Variants in HTR3B observed in about 807,000 individuals in gnomAD.
The protein encoded by HTR3B is 5-hydroxytryptamine receptor 3B.
A neutral mutation model predicts 42.8 loss-of-function variants in HTR3B; 44 were observed. The observed-to-expected ratio is 1.03, with a 90% confidence interval of 0.81 to 1.32. The LOEUF (loss-of-function observed/expected upper bound fraction) is 1.32. Among genes scored for constraint, HTR3B ranks in the 40% most tolerant of loss-of-function variants. The pLI, the probability that HTR3B is intolerant of heterozygous loss-of-function variation, is 0.00. For missense variants in HTR3B, 527 were observed against 536.5 expected (o/e 0.98, Z 0.17); for synonymous variants, 203 against 209.0 (o/e 0.97, Z 0.25).
chr11:113,932,652 A>AAC (rs2307599), intron 5 of HTR3B, among the ~76,000 whole-genome samples, 194 bp downstream of exon 5: 108,273 of 151,944 alleles, frequency 0.71, 39,498 homozygotes, highest in African/African-American at 0.87. Flanking sequence ...TTGTTTTGGA[A>AAC]ACAGTGTTAG....
At chr11:113,908,009 G>T (rs919859361) in intron 1 of HTR3B, among the ~76,000 whole-genome samples, 5 of 152,192 alleles carry the variant, frequency 3.3e-5, no homozygotes, top group African/African-American at 1.2e-4. Flanking sequence ...GATGCCTGAT[G>T]CAAGCCACAC....
chr11:113,922,799 C>T (rs1949929936), intron 2 of HTR3B, among the ~76,000 whole-genome samples: 1 of 152,286 alleles, frequency 6.6e-6, no homozygotes, highest in East Asian at 1.9e-4. Context: ...TCGTGATCCG[C>T]CTGCCTTGGC....
chr11:113,917,497 C>G (rs1294669472), intron 2 of HTR3B, among the ~76,000 whole-genome samples: 2 of 152,056 alleles, frequency 1.3e-5, no homozygotes, highest in African/African-American at 4.8e-5. Context: ...GTTAAAATCT[C>G]CAGTTATGAT....
At chr11:113,926,400 A>G (rs1003863268) in intron 2 of HTR3B, among the ~76,000 whole-genome samples, 3 of 151,952 alleles carry the variant, frequency 2.0e-5, no homozygotes, top group Non-Finnish European at 4.4e-5. Flanking sequence ...GAATTGTTGC[A>G]TTATATGATA....
At chr11:113,926,000 T>C (rs1399371623) in intron 2 of HTR3B, among the ~76,000 whole-genome samples, 1 of 152,156 alleles carries the variant, frequency 6.6e-6, no homozygotes, top group Non-Finnish European at 1.5e-5. Flanking sequence ...AAAGAAGCCC[T>C]ATATCCATTA....
At chr11:113,916,298 C>G (rs190491848) in intron 2 of HTR3B, among the ~76,000 whole-genome samples, 1 of 152,090 alleles carries the variant, frequency 6.6e-6, no homozygotes, top group Non-Finnish European at 1.5e-5. Context: ...CTGCTCAAAT[C>G]TTTTATTTAA....
intron 2 of HTR3B, among the ~76,000 whole-genome samples, chr11:113,910,295 C>T (rs903922088): frequency 3.3e-5 from 5 of 152,252 alleles, no homozygotes; most frequent in South Asian, 2.1e-4. Context: ...GGGAATGAAA[C>T]GAACACTGTG....
intron 8 of HTR3B, 26 bp downstream of exon 8, chr11:113,944,781 C>T: frequency 6.2e-7 from 1 of 1,606,044 alleles, no homozygotes; most frequent in Non-Finnish European, 8.5e-7. Context: ...TGTGTTTCTC[C>T]CCCGTCTGGA....
At chr11:113,904,742 A>AAACATTTGC, upstream of HTR3B, 1 of 533,486 alleles carries the variant, frequency 1.9e-6, no homozygotes, top group Non-Finnish European at 3.4e-6. Context: ...ATCAATTCCA[A>AAACATTTGC]AACATTTGCA....
chr11:113,921,003 G>A (rs1949906416), intron 2 of HTR3B, among the ~76,000 whole-genome samples: 2 of 150,776 alleles, frequency 1.3e-5, no homozygotes, highest in Non-Finnish European at 3.0e-5. Context: ...AGTAGAGATG[G>A]GGTTTCACCA....
At chr11:113,907,909 C>G (rs1006767253) in intron 1 of HTR3B, among the ~76,000 whole-genome samples, 1 of 152,138 alleles carries the variant, frequency 6.6e-6, no homozygotes, top group African/African-American at 2.4e-5. Context: ...TGACTTCCCT[C>G]CCCTGGGGTA....
At chr11:113,935,675 C>A (rs768996738) in intron 6 of HTR3B, among the ~76,000 whole-genome samples, 5 of 152,202 alleles carry the variant, frequency 3.3e-5, no homozygotes, top group Non-Finnish European at 7.3e-5. Flanking sequence ...TTTCCTTCAA[C>A]AGCCCTTGGC....
At chr11:113,900,826 G>T (rs1320459072), upstream of HTR3B, among the ~76,000 whole-genome samples, 3 of 152,112 alleles carry the variant, frequency 2.0e-5, no homozygotes, top group Non-Finnish European at 4.4e-5. Context: ...AATCATGGTG[G>T]AAGGGGAAGG....
chr11:113,927,013 G>A (rs142278151), intron 2 of HTR3B, among the ~76,000 whole-genome samples: 234 of 152,276 alleles, frequency 1.5e-3, no homozygotes, highest in Non-Finnish European at 2.7e-3. Context: ...ACTAATGATG[G>A]TGAGCGTCTT....
chr11:113,909,140 C>T, intron 1 of HTR3B, 155 bp from the exon 2 acceptor site: 1 of 649,274 alleles, frequency 1.5e-6, no homozygotes, highest in South Asian at 1.8e-5. Context: ...AAGCATTTGC[C>T]AAAGGCCCCA....
chr11:113,947,543 T>C lies in HTR3B; in HGVS notation c.*1406T>C, dbSNP rs1950189370. 1.3e-5 allele frequency among the ~76,000 whole-genome samples: 2 copies of C among 152,204 alleles called. No homozygotes were observed. Among genetic ancestry groups the C allele is most frequent in the Non-Finnish European group, 2.9e-5 (2 of 68,034 alleles). On this transcript the variant is annotated 3_prime_UTR_variant, in exon 9 of 9. Transcript: ENST00000260191. Reference sequence around the variant, plus strand: ...GGGTGGGTGGCTTTCTTCTGAGCCCTGTCCTTGGCTTGCAGGTTGCTGACT... The same window carrying C: ...GGGTGGGTGGCTTTCTTCTGAGCCCCGTCCTTGGCTTGCAGGTTGCTGACT...
intron 1 of HTR3B, among the ~76,000 whole-genome samples, chr11:113,908,027 T>C (rs1396214927): frequency 6.6e-6 from 1 of 152,172 alleles, no homozygotes; most frequent in Non-Finnish European, 1.5e-5. Flanking sequence ...CACACCTTAG[T>C]CCTGCACGCC....
intron 2 of HTR3B, among the ~76,000 whole-genome samples, chr11:113,924,125 C>T (rs1314791045): frequency 1.3e-5 from 2 of 152,194 alleles, no homozygotes; most frequent in South Asian, 2.1e-4. Flanking sequence ...CTGGTAAGAA[C>T]ATCGAATAGA....
intron 6 of HTR3B, among the ~76,000 whole-genome samples, chr11:113,934,502 G>A (rs1754173839): frequency 6.6e-6 from 1 of 152,184 alleles, no homozygotes; most frequent in South Asian, 2.1e-4. Flanking sequence ...CTATTATTGA[G>A]GTTACAGGTA....
Sources: gnomAD v4.1 joint callset for allele counts (sites outside exome capture counted in the v4.1 genomes callset) on GRCh38, gnomAD v4.1.1 for gene constraint, MANE v1.5 for transcripts, NCBI Gene and HGNC (gene_info 2026-07-23, HGNC 2026-07-21) for gene names.